Variants in OSBPL6 observed in about 807,000 individuals in gnomAD.
OSBPL6 encodes oxysterol-binding protein-related protein 6.
OSBPL6 carries 49 observed loss-of-function variants against 125.8 expected under a neutral mutation model. The observed-to-expected ratio is 0.39, with a 90% CI of 0.31 to 0.49. The LOEUF is 0.49. Among genes scored for constraint, OSBPL6 ranks in the 20% least tolerant of loss-of-function variants. OSBPL6 has a pLI of 0.88. For missense variants in OSBPL6, 986 were observed against 1,135.4 expected (o/e 0.87, Z 1.89); for synonymous variants, 394 against 391.8 (o/e 1.01, Z -0.07).
intron 17 of OSBPL6, 95 bp from the exon 18 acceptor site, chr2:178,383,944 C>T: frequency 7.3e-7 from 1 of 1,363,004 alleles, no homozygotes. Context: ...CAACACCCAT[C>T]CACATGAGGT....
At chr2:178,198,985 G>A (rs1215403837) in intron 1 of OSBPL6, among the ~76,000 whole-genome samples, 1 of 152,128 alleles carries the variant, frequency 6.6e-6, no homozygotes, top group South Asian at 2.1e-4. Flanking sequence ...TTGGCCTTGG[G>A]TATATTGTTG....
chr2:178,288,794 G>A (rs543012715), intron 2 of OSBPL6, among the ~76,000 whole-genome samples: 8 of 151,672 alleles, frequency 5.3e-5, no homozygotes, highest in Non-Finnish European at 7.4e-5. Flanking sequence ...GATTACAGGC[G>A]CCCGCCACCA....
At chr2:178,358,025 A>G (rs915453728) in intron 12 of OSBPL6, among the ~76,000 whole-genome samples, 5 of 152,196 alleles carry the variant, frequency 3.3e-5, no homozygotes, top group African/African-American at 1.2e-4. Flanking sequence ...ATAGGTGGGA[A>G]TTGAATAACA....
At chr2:178,352,979 C>T (rs917420179) in intron 12 of OSBPL6, among the ~76,000 whole-genome samples, 32 of 152,224 alleles carry the variant, frequency 2.1e-4, no homozygotes, top group African/African-American at 7.5e-4. Flanking sequence ...CCAGCAAACT[C>T]CAACAGACCT....
chr2:178,308,119 C>T (rs1417680191), intron 3 of OSBPL6, among the ~76,000 whole-genome samples: 1 of 152,200 alleles, frequency 6.6e-6, no homozygotes, highest in Non-Finnish European at 1.5e-5. Context: ...TCCTATTTAT[C>T]TCAGCAGGTG....
intron 15 of OSBPL6, among the ~76,000 whole-genome samples, chr2:178,377,501 T>A (rs1026659063): frequency 8.5e-5 from 13 of 152,190 alleles, no homozygotes; most frequent in African/African-American, 3.1e-4. Flanking sequence ...TGTATCACCT[T>A]GTGGTGAGGT....
chr2:178,218,393 T>TAA (rs757915872), intron 1 of OSBPL6, among the ~76,000 whole-genome samples: 5 of 115,168 alleles, frequency 4.3e-5, no homozygotes, highest in South Asian at 2.6e-4. Context: ...TAAGCATTAT[T>TAA]AAAAAAAAAA....
chr2:178,365,726 CA>C (rs748864233), intron 13 of OSBPL6, among the ~76,000 whole-genome samples: 17 of 152,030 alleles, frequency 1.1e-4, no homozygotes, highest in Non-Finnish European at 2.5e-4. Flanking sequence ...TATATGTACA[CA>C]AAAACATATA....
intron 1 of OSBPL6, among the ~76,000 whole-genome samples, chr2:178,205,386 T>G (rs958034911): frequency 6.6e-6 from 1 of 152,164 alleles, no homozygotes; most frequent in Non-Finnish European, 1.5e-5. Flanking sequence ...GAGCCTGTAG[T>G]TAGCCCCAGA....
Position 178,402,879 on chromosome 2 carries a change from T to G in OSBPL6, c.*7320T>G, listed in dbSNP as rs574150969. On this transcript the variant is annotated 3_prime_UTR_variant, in exon 25 of 25. Coordinates refer to ENST00000190611, the MANE Select transcript of OSBPL6 (RefSeq NM_032523.4). ...TAACAGCACAGGAAACTCAATAAAT[T>G]ATAAATGAATTACATAAAGAGATTT... is the stretch of plus-strand genomic sequence containing the variant. 40 of 152,324 alleles carry G rather than the reference T, an allele frequency of 2.6e-4. No homozygotes were observed. Among genetic ancestry groups the G allele is most frequent in the African/African-American group, 9.6e-4 (40 of 41,576 alleles). 9.4% of individuals were successfully genotyped at this position (152,324 alleles called of 1,614,324 possible). A position where few individuals can be genotyped will look rare whatever the true frequency, so the allele number is the denominator to read the frequency against.
intron 1 of OSBPL6, among the ~76,000 whole-genome samples, chr2:178,197,031 A>AT (rs5836646): frequency 0.46 from 65,343 of 140,838 alleles, 15,120 homozygotes; most frequent in East Asian, 0.75. Context: ...CTCTCTGACC[A>AT]TTTTTTTTTT....
chr2:178,242,235 T>C (rs984948129), intron 1 of OSBPL6, among the ~76,000 whole-genome samples: 1 of 152,200 alleles, frequency 6.6e-6, no homozygotes, highest in Non-Finnish European at 1.5e-5. Context: ...AGCTGAACTC[T>C]GCCTTTTATT....
chr2:178,328,511 A>C, intron 5 of OSBPL6, 133 bp downstream of exon 5: 9 of 1,059,932 alleles, frequency 8.5e-6, no homozygotes, highest in Non-Finnish European at 1.2e-5. Flanking sequence ...TTTTTGAGAC[A>C]GATTCTCACT....
At chr2:178,383,669 A>C (rs723841) in intron 17 of OSBPL6, among the ~76,000 whole-genome samples, 1 of 151,966 alleles carries the variant, frequency 6.6e-6, no homozygotes, top group Non-Finnish European at 1.5e-5. Context: ...TGTGGGAAAC[A>C]TGCCATGCCC....
chr2:178,229,616 G>A (rs940188177), intron 1 of OSBPL6, among the ~76,000 whole-genome samples: 2 of 152,150 alleles, frequency 1.3e-5, no homozygotes, highest in Non-Finnish European at 2.9e-5. Context: ...GATCTTTTGA[G>A]CTCAGGAGTT....
chr2:178,358,712 A>G (rs1692051120), intron 12 of OSBPL6, among the ~76,000 whole-genome samples: 1 of 152,190 alleles, frequency 6.6e-6, no homozygotes, highest in Non-Finnish European at 1.5e-5. Context: ...TAGATATAAC[A>G]CCAAAAATTC....
At chr2:178,345,075 C>G (rs999004301) in intron 11 of OSBPL6, among the ~76,000 whole-genome samples, 1 of 151,900 alleles carries the variant, frequency 6.6e-6, no homozygotes, top group Non-Finnish European at 1.5e-5. Context: ...AGTGACTTGT[C>G]TACAGAATAT....
chr2:178,335,152 G>A (rs1242332463), intron 8 of OSBPL6, among the ~76,000 whole-genome samples: 1 of 151,674 alleles, frequency 6.6e-6, no homozygotes, highest in Non-Finnish European at 1.5e-5. Context: ...TACATCACTG[G>A]CACAGACTAT....
intron 1 of OSBPL6, among the ~76,000 whole-genome samples, chr2:178,237,648 T>A (rs1437248305): frequency 6.6e-6 from 1 of 152,182 alleles, no homozygotes; most frequent in East Asian, 1.9e-4. Flanking sequence ...GGATAATTCT[T>A]TGTTGTAGGG....
Sources: gnomAD v4.1 joint callset for allele counts (sites outside exome capture counted in the v4.1 genomes callset) on GRCh38, gnomAD v4.1.1 for gene constraint, MANE v1.5 for transcripts, NCBI Gene and HGNC (gene_info 2026-07-23, HGNC 2026-07-21) for gene names.